The following ANXA10 variants were observed in gnomAD, a reference collection of about 807,000 sequenced individuals.
The protein encoded by ANXA10 is annexin A10, also known as annexin 14.
A neutral mutation model predicts 53.5 loss-of-function variants in ANXA10; 49 were observed. The observed-to-expected ratio is 0.92, with a 90% CI of 0.73 to 1.16. The LOEUF is 1.16. ANXA10 is among the 50% of genes most tolerant of loss of function. The pLI is 0.00. For synonymous variants in ANXA10, 131 were observed against 128.9 expected, an observed-to-expected ratio of 1.02 and a Z score of -0.11; for missense variants, 393 against 394.4, an observed-to-expected ratio of 1.00 and a Z score of 0.03.
At chr4:168,095,376 C>A (rs1730525196) in intron 1 of ANXA10, among the ~76,000 whole-genome samples, 1 of 151,810 alleles carries the variant, frequency 6.6e-6, no homozygotes, top group African/African-American at 2.4e-5. Context: ...CTTTTCTACC[C>A]TTTTGACACC....
chr4:168,167,732 T>C (rs1731905963), intron 6 of ANXA10, among the ~76,000 whole-genome samples: 1 of 152,208 alleles, frequency 6.6e-6, no homozygotes, highest in South Asian at 2.1e-4. Context: ...GCATGCAAAG[T>C]TCTTTCCTAG....
chr4:168,184,628 A>G lies in ANXA10; in HGVS notation c.853A>G (p.Ile285Val), dbSNP rs771039827. Residue 285 changes from isoleucine (I) to valine (V), a missense_variant, in exon 11 of 12, where the codon ATA (isoleucine) becomes GTA (valine). Transcript: ENST00000359299. Reference protein sequence around the residue: ...IARSEIDLLTIRKRYKERYGK... With the variant: ...IARSEIDLLTVRKRYKERYGK... ...CAGAAGTGAAATAGACCTGCTGACC[A>G]TAAGGAAACGATACAAAGAGCGATA... is the stretch of plus-strand genomic sequence containing the variant. 1 of 1,614,162 alleles carries G rather than the reference A, an allele frequency of 6.2e-7. No homozygotes were observed. The highest frequency in any genetic ancestry group is 8.5e-7 in the Non-Finnish European group (1 of 1,179,998).
At chr4:168,187,325 T>TA in intron 11 of ANXA10, 41 bp from the exon 12 acceptor site, 3 of 1,323,690 alleles carry the variant, frequency 2.3e-6, no homozygotes, top group Non-Finnish European at 3.2e-6. Context: ...TTAGAACTAT[T>TA]ATGATATTTT....
At chr4:168,116,623 G>T (rs1021180613) in intron 1 of ANXA10, among the ~76,000 whole-genome samples, 1 of 151,688 alleles carries the variant, frequency 6.6e-6, no homozygotes, top group African/African-American at 2.4e-5. Context: ...AGGCAAAAAG[G>T]CACTATTTTA....
intron 2 of ANXA10, among the ~76,000 whole-genome samples, chr4:168,134,185 T>A (rs552474561): frequency 3.3e-5 from 5 of 152,102 alleles, no homozygotes; most frequent in Admixed American, 6.6e-5. Context: ...TAAGTAACTT[T>A]AGCAAAATAA....
chr4:168,140,796 T>C (rs1731313702), intron 3 of ANXA10, among the ~76,000 whole-genome samples: 1 of 152,086 alleles, frequency 6.6e-6, no homozygotes, highest in Admixed American at 6.5e-5. Context: ...TTTTTTGTAT[T>C]TTTAGTAGAA....
intron 3 of ANXA10, among the ~76,000 whole-genome samples, chr4:168,152,117 G>A (rs898114012): frequency 6.6e-6 from 1 of 152,200 alleles, no homozygotes; most frequent in African/African-American, 2.4e-5. Flanking sequence ...TTCCACCTGG[G>A]TGGGAGAGAT....
intron 6 of ANXA10, among the ~76,000 whole-genome samples, chr4:168,168,204 A>G (rs967393670): frequency 9.2e-5 from 14 of 152,182 alleles, no homozygotes; most frequent in Admixed American, 5.2e-4. Flanking sequence ...TTTTAAGTTT[A>G]TCATGTCTGT....
chr4:168,096,930 G>GTATATATATA (rs1560956143), intron 1 of ANXA10, among the ~76,000 whole-genome samples: 1 of 38,246 alleles, frequency 2.6e-5, no homozygotes, highest in Non-Finnish European at 5.9e-5. Flanking sequence ...ATATATATAT[G>GTATATATATA]TATGTATATG....
chr4:168,102,467 T>C (rs763777105), intron 1 of ANXA10, among the ~76,000 whole-genome samples: 31 of 152,104 alleles, frequency 2.0e-4, no homozygotes, highest in Non-Finnish European at 3.5e-4. Flanking sequence ...AGTTTCACCT[T>C]CTCCAGAATG....
At chr4:168,153,095 C>T (rs1029022022) in intron 3 of ANXA10, among the ~76,000 whole-genome samples, 3 of 152,056 alleles carry the variant, frequency 2.0e-5, no homozygotes, top group African/African-American at 4.8e-5. Context: ...CTGGCGGCCT[C>T]AGCCTCCCAA....
chr4:168,101,919 T>A (rs1296397234), intron 1 of ANXA10, among the ~76,000 whole-genome samples: 1 of 152,158 alleles, frequency 6.6e-6, no homozygotes, highest in Non-Finnish European at 1.5e-5. Context: ...AACACCGTTC[T>A]AACCTTCACC....
At chr4:168,135,639 G>A (rs1731225296) in intron 2 of ANXA10, among the ~76,000 whole-genome samples, 1 of 152,120 alleles carries the variant, frequency 6.6e-6, no homozygotes, top group Non-Finnish European at 1.5e-5. Flanking sequence ...ATGAGGAAGT[G>A]AAGGATACAC....
intron 1 of ANXA10, among the ~76,000 whole-genome samples, chr4:168,113,042 A>T (rs573675040): frequency 4.7e-4 from 72 of 152,252 alleles, no homozygotes; most frequent in African/African-American, 1.7e-3. Flanking sequence ...AGAAAGAAAA[A>T]AAAGAAAGAA....
intron 3 of ANXA10, among the ~76,000 whole-genome samples, chr4:168,139,825 A>C (rs1731298682): frequency 1.3e-5 from 2 of 152,144 alleles, no homozygotes; most frequent in Non-Finnish European, 2.9e-5. Context: ...CTTTCCCCAA[A>C]ATCATTCAGT....
chr4:168,146,750 C>A (rs186311044), intron 3 of ANXA10, among the ~76,000 whole-genome samples: 1 of 151,944 alleles, frequency 6.6e-6, no homozygotes, highest in Non-Finnish European at 1.5e-5. Context: ...TTTTTCCCCC[C>A]ACAGACTACA....
rs140910585 is a variant in ANXA10 at position 168,185,663 on chromosome 4, C to T, written c.906+982C>T. Among the ~76,000 whole-genome samples, 357 of 152,266 alleles carry T rather than the reference C, an allele frequency of 2.3e-3. 1 individual carries two copies. The highest frequency in any genetic ancestry group is 7.7e-3 in the African/African-American group (319 of 41,544). ...AAATAAAAATGCTTGGCACTGTGTT[C>T]AAAAAAGTTTCAAGAATTTCAGGAT... On this transcript the variant is annotated intron_variant, in intron 11 of 11. Coordinates refer to ENST00000359299, the MANE Select transcript of ANXA10 (RefSeq NM_007193.5).
At chr4:168,181,348 G>A (rs1374942177) in intron 9 of ANXA10, among the ~76,000 whole-genome samples, 2 of 141,810 alleles carry the variant, frequency 1.4e-5, no homozygotes, top group Non-Finnish European at 3.0e-5. Flanking sequence ...CCGAGATTAC[G>A]CCACTGGACT....
Position 168,187,381 on chromosome 4 carries a change from C to A in ANXA10, c.922C>A (p.His308Asn), listed in dbSNP as rs1404149812. 3.8e-6 allele frequency: 6 copies of A among 1,593,988 alleles called. No homozygotes were observed. The highest frequency in any genetic ancestry group is 3.5e-5 in the South Asian group (3 of 86,588). The change falls in exon 12 of 12, where the codon CAT (histidine) becomes AAT (asparagine). Residue 308 changes from histidine to asparagine, a missense_variant. Physicochemically the swap from His to Asn is moderately conservative, Grantham distance 68 (BLOSUM62 1). Coordinates refer to ENST00000359299, the MANE Select transcript of ANXA10 (RefSeq NM_007193.5). Reference sequence around the variant, plus strand: ...TTCTTTTCAGAATTTTGCTTCAGGGCATTATAAGAAAGCACTGCTTGCCAT... The same window carrying A: ...TTCTTTTCAGAATTTTGCTTCAGGGAATTATAAGAAAGCACTGCTTGCCAT... ...FHDIRNFASG[H>N]YKKALLAICA... is the part of the protein sequence containing the mutation.
Sources: gnomAD v4.1 joint callset for allele counts (sites outside exome capture counted in the v4.1 genomes callset) on GRCh38, gnomAD v4.1.1 for gene constraint, MANE v1.5 for transcripts, NCBI Gene and HGNC (gene_info 2026-07-23, HGNC 2026-07-21) for gene names.